The following SLC26A5 variants were observed in gnomAD, a reference collection of about 807,000 sequenced individuals.
SLC26A5 encodes the protein solute carrier family 26 member 5, also known as prestin.
A neutral mutation model predicts 81.0 loss-of-function variants in SLC26A5; 51 were observed. The observed-to-expected ratio is 0.63, with a 90% CI of 0.50 to 0.80. SLC26A5 has a LOEUF of 0.80. Ranked by LOEUF, SLC26A5 falls within the 30% of genes least tolerant of loss-of-function variation. SLC26A5 has a pLI of 0.00. For synonymous variants in SLC26A5, 325 were observed against 332.8 expected, an observed-to-expected ratio of 0.98 and a Z score of 0.25; for missense variants, 771 against 905.8, an observed-to-expected ratio of 0.85 and a Z score of 1.91.
chr7:103,389,866 T>G (rs1395321027), intron 12 of SLC26A5, among the ~76,000 whole-genome samples: 1 of 152,082 alleles, frequency 6.6e-6, no homozygotes, highest in African/African-American at 2.4e-5. Flanking sequence ...AACCACAGGT[T>G]ATCTGCCCGC....
In SLC26A5 at chr7:103,389,101, G is replaced by T; in HGVS notation, c.1421C>A (p.Thr474Asn). ...CAGGAACAAGGAGGACACAAAAGTG[G>T]TAAGCCAGATGGTCTAAGCAAAAGA... ...TSKIELTIWL[T>N]TFVSSLFLGL... The change falls in exon 14 of 20, where the codon ACC becomes AAC. Residue 474 changes from threonine (T) to asparagine (N), a missense_variant. By Grantham distance (65) the Thr-to-Asn change is moderately conservative (BLOSUM62 0). Coordinates refer to ENST00000306312, the MANE Select transcript of SLC26A5 (RefSeq NM_198999.3). The T allele has an allele frequency of 6.2e-7, 1 of 1,613,178 alleles. No homozygotes were observed. Among genetic ancestry groups the T allele is most frequent in the Non-Finnish European group, 8.5e-7 (1 of 1,179,284 alleles).
intron 19 of SLC26A5, among the ~76,000 whole-genome samples, chr7:103,357,007 T>G (rs770061839): frequency 4.6e-5 from 7 of 152,170 alleles, no homozygotes; most frequent in Non-Finnish European, 7.4e-5. Context: ...ACTCACTTTT[T>G]AGTTTTATCA....
intron 5 of SLC26A5, among the ~76,000 whole-genome samples, chr7:103,411,921 G>A (rs76317229): frequency 0.038 from 5,777 of 152,264 alleles, 377 homozygotes; most frequent in African/African-American, 0.13. Flanking sequence ...CAGAAGTGAC[G>A]TTGTGTGACT....
intron 8 of SLC26A5, among the ~76,000 whole-genome samples, chr7:103,399,200 G>C (rs1193584216): frequency 6.6e-6 from 1 of 152,122 alleles, no homozygotes; most frequent in African/African-American, 2.4e-5. Context: ...GGGAAACATG[G>C]AAGAGTCTTT....
intron 14 of SLC26A5, among the ~76,000 whole-genome samples, chr7:103,387,132 T>G (rs1193420690): frequency 1.3e-5 from 2 of 152,244 alleles, no homozygotes; most frequent in Non-Finnish European, 2.9e-5. Flanking sequence ...CATATGCTAA[T>G]AAAGTTCTTT....
chr7:103,400,547 G>C (rs1160657990), intron 8 of SLC26A5, among the ~76,000 whole-genome samples: 1 of 152,064 alleles, frequency 6.6e-6, no homozygotes, highest in African/African-American at 2.4e-5. Context: ...AGTTTCTTTT[G>C]CTGTGCAGAA....
At chr7:103,380,579 T>C (rs1181816515) in intron 14 of SLC26A5, 30 bp from the exon 15 acceptor site, 1 of 1,593,124 alleles carries the variant, frequency 6.3e-7, no homozygotes, top group Non-Finnish European at 8.6e-7. Context: ...AATACCATTG[T>C]GTTGAGGCAC....
chr7:103,399,527 CTTG>C (rs1330451063), intron 8 of SLC26A5, among the ~76,000 whole-genome samples: 1 of 152,268 alleles, frequency 6.6e-6, no homozygotes, highest in South Asian at 2.1e-4. Flanking sequence ...ACAGCTAGAA[CTTG>C]TTGTTATAAT....
At chr7:103,358,734 T>TA (rs1820185945) in intron 19 of SLC26A5, among the ~76,000 whole-genome samples, 1 of 152,128 alleles carries the variant, frequency 6.6e-6, no homozygotes, top group South Asian at 2.1e-4. Context: ...TATGGTAAAT[T>TA]AAAAAATCTA....
Position 103,379,252 on chromosome 7 carries a change from T to C in SLC26A5, c.1668A>G (p.Leu556=). 6.2e-7 allele frequency: 1 copy of C among 1,607,928 alleles called. No individual in the cohort carries two copies. Among genetic ancestry groups the C allele is most frequent in the Non-Finnish European group, 8.5e-7 (1 of 1,174,514 alleles). ...ATTTCTCATGACTCACCTTTCGTTT[T>C]AATGCATTGCTATACAAGTCGCTAT... ...YANSDLYSNA[L]KRKTGVNPAV... Residue 556 remains leucine, a synonymous_variant, in exon 16 of 20, where the codon TTA becomes TTG. Transcript: ENST00000306312.
intron 2 of SLC26A5, among the ~76,000 whole-genome samples, chr7:103,437,245 CT>C (rs1826517057): frequency 6.6e-6 from 1 of 152,192 alleles, no homozygotes; most frequent in Admixed American, 6.5e-5. Context: ...ATAATGTCAC[CT>C]GTTAGAATGG....
intron 19 of SLC26A5, chr7:103,354,831 T>C (rs768631262): frequency 6.8e-5 from 89 of 1,312,244 alleles, no homozygotes; most frequent in Non-Finnish European, 9.5e-5. Flanking sequence ...ATGGTTGATA[T>C]CCTGATATTC....
At chr7:103,353,186 A>C (rs1819824317) in intron 19 of SLC26A5, among the ~76,000 whole-genome samples, 1 of 152,180 alleles carries the variant, frequency 6.6e-6, no homozygotes, top group Non-Finnish European at 1.5e-5. Flanking sequence ...TTTTATATAA[A>C]AACAAAATAT....
At chr7:103,355,632 G>A in intron 19 of SLC26A5, 1 of 1,278,362 alleles carries the variant, frequency 7.8e-7, no homozygotes, top group Non-Finnish European at 1.1e-6. Flanking sequence ...CTGAGGTTTA[G>A]AAAGCTTATT....
At chr7:103,430,076 CTTTTTTTT>C (rs34122107) in intron 2 of SLC26A5, among the ~76,000 whole-genome samples, 1 of 137,186 alleles carries the variant, frequency 7.3e-6, no homozygotes, top group African/African-American at 2.7e-5. Context: ...GGAAATGGCA[CTTTTTTTT>C]TTTTTTTTTT....
At chr7:103,372,950 A>G (rs552515454), downstream of SLC26A5, among the ~76,000 whole-genome samples, 33 of 152,310 alleles carry the variant, frequency 2.2e-4, no homozygotes, top group Admixed American at 1.9e-3. Flanking sequence ...TGATAATTAA[A>G]TGAAAATAAT....
At chr7:103,392,847 G>T in intron 10 of SLC26A5, 72 bp downstream of exon 10, 1 of 1,592,788 alleles carries the variant, frequency 6.3e-7, no homozygotes, top group Non-Finnish European at 8.6e-7. Flanking sequence ...GAAGTGCTGG[G>T]ATTACAGGCG....
At chr7:103,392,883 G>A in intron 10 of SLC26A5, 36 bp downstream of exon 10, 5 of 1,613,426 alleles carry the variant, frequency 3.1e-6, no homozygotes, top group Non-Finnish European at 4.2e-6. Flanking sequence ...TGATTGTACT[G>A]CTATGAAACA....
At chr7:103,354,784 G>A in intron 19 of SLC26A5, 1 of 861,146 alleles carries the variant, frequency 1.2e-6, no homozygotes, top group Non-Finnish European at 1.9e-6. Flanking sequence ...TATTGAAATT[G>A]TAACTTAAAA....
Sources: allele counts gnomAD v4.1 joint callset (sites outside exome capture counted in the v4.1 genomes callset), GRCh38; gene constraint gnomAD v4.1.1; transcripts MANE v1.5; gene names NCBI Gene and HGNC (gene_info 2026-07-23, HGNC 2026-07-21).